Variants in LMO7 observed in about 807,000 individuals in gnomAD.
LMO7 encodes LIM domain 7.
LMO7 carries 120 observed loss-of-function variants against 206.5 expected under a neutral mutation model. The observed-to-expected ratio is 0.58, with a 90% CI of 0.50 to 0.68. The LOEUF is 0.68. Among genes scored for constraint, LMO7 ranks in the 30% least tolerant of loss-of-function variants. The pLI is 0.00. For synonymous variants in LMO7, 706 were observed against 681.5 expected, an observed-to-expected ratio of 1.04 and a Z score of -0.56; for missense variants, 1,959 against 1,957.9, an observed-to-expected ratio of 1.00 and a Z score of -0.01.
chr13:75,776,717 T>C (rs991619387), intron 4 of LMO7, among the ~76,000 whole-genome samples: 1 of 152,294 alleles, frequency 6.6e-6, no homozygotes, highest in Non-Finnish European at 1.5e-5. Flanking sequence ...ACATCTAATA[T>C]TAGTTCAGAG....
chr13:75,837,428 G>A (rs777468249), intron 19 of LMO7, among the ~76,000 whole-genome samples: 31 of 152,162 alleles, frequency 2.0e-4, no homozygotes, highest in Non-Finnish European at 4.0e-4. Context: ...GGGACTATAC[G>A]TGGGCCCTGT....
At chr13:75,826,877 T>C (rs2058157937) in intron 15 of LMO7, among the ~76,000 whole-genome samples, 1 of 152,130 alleles carries the variant, frequency 6.6e-6, no homozygotes, top group Non-Finnish European at 1.5e-5. Flanking sequence ...TTCACCTGCA[T>C]ACCACTGCTT....
intron 1 of LMO7, among the ~76,000 whole-genome samples, chr13:75,684,025 C>T (rs1257995151): frequency 6.6e-6 from 1 of 152,052 alleles, no homozygotes; most frequent in Non-Finnish European, 1.5e-5. Context: ...GTCAGCTTTT[C>T]CTGAATTCCA....
Position 75,824,077 on chromosome 13 carries a change from A to G in LMO7, c.2949+204A>G, listed in dbSNP as rs115381996. On this transcript the variant is annotated intron_variant, in intron 15 of 30. Coordinates refer to ENST00000377534, the MANE Select transcript of LMO7 (RefSeq NM_001306080.2). ...CATAGATCCAGATAACACTTGTGATATGAGTGTATGGAGACTTTGTGCACC... is the reference window on the plus strand; with the variant it reads ...CATAGATCCAGATAACACTTGTGATGTGAGTGTATGGAGACTTTGTGCACC... Among the ~76,000 whole-genome samples, 741 of 152,318 alleles carry G rather than the reference A, an allele frequency of 4.9e-3. 4 individuals carry two copies. Among genetic ancestry groups the G allele is most frequent in the African/African-American group, 0.017 (699 of 41,564 alleles).
At chr13:75,662,956 T>C (rs1292543165) in intron 1 of LMO7, among the ~76,000 whole-genome samples, 2 of 152,198 alleles carry the variant, frequency 1.3e-5, no homozygotes, top group Admixed American at 1.3e-4. Context: ...GAATGGCAGA[T>C]GAAATTGTCA....
chr13:75,678,734 G>T (rs1368604998), intron 1 of LMO7, among the ~76,000 whole-genome samples: 2 of 152,184 alleles, frequency 1.3e-5, no homozygotes, highest in African/African-American at 4.8e-5. Context: ...AGTGATAAAT[G>T]TCAGAAAATG....
At chr13:75,743,665 C>T (rs549389453) in intron 3 of LMO7, among the ~76,000 whole-genome samples, 2 of 152,014 alleles carry the variant, frequency 1.3e-5, no homozygotes, top group Non-Finnish European at 2.9e-5. Flanking sequence ...CACGTGGACA[C>T]AGAGGAGAAC....
intron 2 of LMO7, among the ~76,000 whole-genome samples, chr13:75,716,509 T>C (rs2043546308): frequency 6.6e-6 from 1 of 152,166 alleles, no homozygotes; most frequent in Non-Finnish European, 1.5e-5. Context: ...TTGTAGTCTC[T>C]CTTGGTTTTA....
chr13:75,660,619 C>G (rs2038492424), intron 1 of LMO7, among the ~76,000 whole-genome samples: 1 of 152,158 alleles, frequency 6.6e-6, no homozygotes, highest in Non-Finnish European at 1.5e-5. Context: ...GCTTTTCTCT[C>G]TTCACGGGGT....
chr13:75,736,898 G>A (rs1440400177), intron 3 of LMO7, among the ~76,000 whole-genome samples: 1 of 152,186 alleles, frequency 6.6e-6, no homozygotes, highest in Non-Finnish European at 1.5e-5. Context: ...ACATATAGGA[G>A]ATCAAAGGTT....
At chr13:75,704,513 A>G (rs946259648) in intron 1 of LMO7, among the ~76,000 whole-genome samples, 6 of 152,214 alleles carry the variant, frequency 3.9e-5, no homozygotes, top group Non-Finnish European at 8.8e-5. Flanking sequence ...AGCTTTGAAT[A>G]CAAGCTCAAA....
chr13:75,784,775 T>C (rs1181926291), intron 4 of LMO7, among the ~76,000 whole-genome samples: 1 of 152,200 alleles, frequency 6.6e-6, no homozygotes, highest in Non-Finnish European at 1.5e-5. Flanking sequence ...TTTAAGATAA[T>C]AAAATGTAAC....
intron 1 of LMO7, among the ~76,000 whole-genome samples, chr13:75,638,936 C>A (rs1330881948): frequency 1.3e-5 from 2 of 152,020 alleles, no homozygotes; most frequent in Non-Finnish European, 2.9e-5. Flanking sequence ...TGCCCTATTC[C>A]TTTACACATT....
rs1209170937 is a variant in LMO7 at position 75,660,627 on chromosome 13, G to C, written c.69+23901G>C. Reference sequence around the variant, plus strand: ...GCATCTTGCTTTTCTCTCTTCACGGGGTCTTTGTTATTTCTGCTTTCTTTC... The same window carrying C: ...GCATCTTGCTTTTCTCTCTTCACGGCGTCTTTGTTATTTCTGCTTTCTTTC... On this transcript the variant is annotated intron_variant, in intron 1 of 30. Coordinates refer to ENST00000377534, the MANE Select transcript of LMO7 (RefSeq NM_001306080.2). Among the ~76,000 whole-genome samples, 4 of 151,998 alleles carry C rather than the reference G, an allele frequency of 2.6e-5. No homozygotes were observed. The East Asian group carries it at 7.7e-4, about 29-fold the overall frequency.
At chr13:75,808,722 G>C (rs180707996) in intron 10 of LMO7, among the ~76,000 whole-genome samples, 2 of 152,262 alleles carry the variant, frequency 1.3e-5, no homozygotes, top group Non-Finnish European at 2.9e-5. Flanking sequence ...ATGTTAAAAT[G>C]CATGAATGGT....
At chr13:75,833,520 C>A (rs2058856347) in intron 16 of LMO7, among the ~76,000 whole-genome samples, 1 of 152,028 alleles carries the variant, frequency 6.6e-6, no homozygotes, top group African/African-American at 2.4e-5. Flanking sequence ...TATATATGTG[C>A]TATTTAATAA....
At chr13:75,738,620 G>A (rs902655557) in intron 3 of LMO7, among the ~76,000 whole-genome samples, 1 of 152,038 alleles carries the variant, frequency 6.6e-6, no homozygotes, top group Non-Finnish European at 1.5e-5. Flanking sequence ...TAACCCAAGA[G>A]TTTGAGTCTT....
chr13:75,838,997 T>C (rs1322359576), intron 20 of LMO7, among the ~76,000 whole-genome samples: 2 of 152,222 alleles, frequency 1.3e-5, no homozygotes, highest in Non-Finnish European at 1.5e-5. Flanking sequence ...TTAAGACTAT[T>C]AACACGTTTA....
At position 75,844,223 on chromosome 13, in the gene LMO7, T is replaced by C. The variant is rs569864441; in HGVS notation, c.4098-1104T>C. Reference sequence around the variant, plus strand: ...TAGACATCTGGTAATAAGTGTTTTCTTCTATGTTGATACAAGTGAAATTAT... The same window carrying C: ...TAGACATCTGGTAATAAGTGTTTTCCTCTATGTTGATACAAGTGAAATTAT... On this transcript the variant is annotated intron_variant, in intron 25 of 30. Coordinates refer to ENST00000377534, the MANE Select transcript of LMO7 (RefSeq NM_001306080.2). Among the ~76,000 whole-genome samples, 30 of 152,206 alleles carry C rather than the reference T, an allele frequency of 2.0e-4. No individual in the cohort carries two copies. In the South Asian group the frequency reaches 6.2e-3, roughly 32 times the overall value.
Sources: gnomAD v4.1 joint callset for allele counts (sites outside exome capture counted in the v4.1 genomes callset) on GRCh38, gnomAD v4.1.1 for gene constraint, MANE v1.5 for transcripts, NCBI Gene and HGNC (gene_info 2026-07-23, HGNC 2026-07-21) for gene names.